The following AIG1 variants were observed in gnomAD, a reference collection of about 807,000 sequenced individuals.
AIG1 encodes androgen induced 1, also known as androgen-induced gene 1 protein.
In AIG1, 23 loss-of-function variants were observed where a neutral mutation model predicts 31.4. The observed-to-expected ratio is 0.73, with a 90% CI of 0.53 to 1.04. The LOEUF (loss-of-function observed/expected upper bound fraction) is 1.04, where lower values mean the gene tolerates loss of function less well. Ranked by LOEUF, AIG1 falls within the 50% of genes least tolerant of loss-of-function variation. AIG1 has a pLI of 0.00. For missense variants in AIG1, 274 were observed against 295.0 expected (o/e 0.93, Z 0.52); for synonymous variants, 100 against 110.5 (o/e 0.90, Z 0.60).
At chr6:143,120,873 G>A (rs528891528) in intron 1 of AIG1, among the ~76,000 whole-genome samples, 5 of 152,324 alleles carry the variant, frequency 3.3e-5, no homozygotes, top group African/African-American at 1.2e-4. Flanking sequence ...TGCCCATGCT[G>A]GAAGGTTGTG....
chr6:143,281,168 C>T (rs1313644037), intron 3 of AIG1, among the ~76,000 whole-genome samples: 2 of 152,150 alleles, frequency 1.3e-5, no homozygotes, highest in Non-Finnish European at 2.9e-5. Flanking sequence ...TGGAGGCATA[C>T]AGAACTAGTT....
At chr6:143,195,639 G>A (rs1790163105) in intron 3 of AIG1, among the ~76,000 whole-genome samples, 2 of 152,144 alleles carry the variant, frequency 1.3e-5, no homozygotes, top group African/African-American at 4.8e-5. Context: ...GAGCACGGGG[G>A]AGGACACAAC....
intron 3 of AIG1, among the ~76,000 whole-genome samples, chr6:143,172,866 G>A (rs559873657): frequency 8.9e-4 from 135 of 152,212 alleles, no homozygotes; most frequent in African/African-American, 3.0e-3. Context: ...GGTGTTCACC[G>A]TAGCCTTGAA....
rs1188898876 is a variant in AIG1, at chr6:143,069,879, T to C, written c.141+8813T>C. ...AAGTTTTAGGTTTTACATTTTTATC[T>C]ATAATCCTTTTTTTCTGGTATATGT... is the stretch of plus-strand genomic sequence containing the variant. On this transcript the variant is annotated intron_variant, in intron 1 of 5. Coordinates refer to ENST00000357847, the MANE Select transcript of AIG1 (RefSeq NM_016108.4). Among the ~76,000 whole-genome samples the C allele has an allele frequency of 2.0e-5, 3 of 152,236 alleles. No homozygotes were observed. The East Asian group carries it at 5.8e-4, about 29-fold the overall frequency.
chr6:143,189,353 A>T, intron 3 of AIG1: 1 of 951,284 alleles, frequency 1.1e-6, no homozygotes, highest in Non-Finnish European at 1.3e-6. Flanking sequence ...AAGTCCTAGG[A>T]TTACATGCAT....
chr6:143,114,029 C>T (rs1161604040), intron 1 of AIG1, among the ~76,000 whole-genome samples: 1 of 152,144 alleles, frequency 6.6e-6, no homozygotes, highest in Non-Finnish European at 1.5e-5. Flanking sequence ...CTGCCTCGAC[C>T]TCCCAAAGTG....
intron 2 of AIG1, among the ~76,000 whole-genome samples, chr6:143,154,499 ACT>A (rs978427926): frequency 6.6e-6 from 1 of 151,962 alleles, no homozygotes; most frequent in Admixed American, 6.6e-5. Context: ...ATAGAGTGAG[ACT>A]CTGTGTAAAA....
intron 5 of AIG1, among the ~76,000 whole-genome samples, chr6:143,336,931 A>T (rs988263422): frequency 6.6e-6 from 1 of 152,230 alleles, no homozygotes; most frequent in Non-Finnish European, 1.5e-5. Context: ...GGGGAAAAAA[A>T]AAGAAAGAAT....
intron 3 of AIG1, among the ~76,000 whole-genome samples, chr6:143,173,278 G>A (rs943444333): frequency 6.6e-6 from 1 of 152,184 alleles, no homozygotes; most frequent in Non-Finnish European, 1.5e-5. Flanking sequence ...GGCCAGACTG[G>A]TCTTGAACTC....
chr6:143,172,849 G>A (rs1375712439), intron 3 of AIG1, among the ~76,000 whole-genome samples: 1 of 152,062 alleles, frequency 6.6e-6, no homozygotes, highest in African/African-American at 2.4e-5. Flanking sequence ...TAGTTTATGT[G>A]CATAAAGGTG....
In AIG1 at chr6:143,187,749, C is replaced by T. The variant is rs1198306101; in HGVS notation, c.399+22566C>T. Reference sequence around the variant, plus strand: ...ACTAAAGGATTGACCTGGTGCCATGCATGCTGCTCTGCACAAGAAGGACAT... The same window carrying T: ...ACTAAAGGATTGACCTGGTGCCATGTATGCTGCTCTGCACAAGAAGGACAT... On this transcript the variant is annotated intron_variant, in intron 3 of 5. Transcript: ENST00000357847. The T allele has an allele frequency of 3.3e-6, 5 of 1,533,862 alleles. No homozygotes were observed. The Admixed American group carries it at 7.9e-5, about 24-fold the overall frequency.
chr6:143,129,379 A>G (rs1260151203), intron 1 of AIG1, among the ~76,000 whole-genome samples: 1 of 152,222 alleles, frequency 6.6e-6, no homozygotes, highest in Non-Finnish European at 1.5e-5. Context: ...TCTTTGGGGA[A>G]GTCTTCTTAG....
rs754147578 is a variant in AIG1 at position 143,292,462 on chromosome 6, G to A, written c.515+8237G>A. On this transcript the variant is annotated intron_variant, in intron 4 of 5. Transcript: ENST00000357847. The surrounding 1 kb of genome is among the most constrained non-coding windows in gnomAD (Gnocchi z 4.9). Reference sequence around the variant, plus strand: ...TGCCGTCACTGGCTTTGAAGACAGAGGAAGGGGCTGTGAGCACGGAACAAG... The same window carrying A: ...TGCCGTCACTGGCTTTGAAGACAGAAGAAGGGGCTGTGAGCACGGAACAAG... Among the ~76,000 whole-genome samples, 1 of 152,170 alleles carries A rather than the reference G, an allele frequency of 6.6e-6. No homozygotes were observed. The highest frequency in any genetic ancestry group is 1.5e-5 in the Non-Finnish European group (1 of 68,040).
At chr6:143,240,546 G>A (rs888275735) in intron 3 of AIG1, among the ~76,000 whole-genome samples, 2 of 152,148 alleles carry the variant, frequency 1.3e-5, no homozygotes, top group East Asian at 1.9e-4. Context: ...ATCATAGACC[G>A]AGCACATCAT....
chr6:143,162,362 T>A (rs1786464398), intron 2 of AIG1, among the ~76,000 whole-genome samples: 1 of 152,222 alleles, frequency 6.6e-6, no homozygotes, highest in Non-Finnish European at 1.5e-5. Context: ...ACCATGAGAA[T>A]TCTAGCAGGA....
chr6:143,109,982 T>C (rs1781131969), intron 1 of AIG1, among the ~76,000 whole-genome samples: 1 of 152,236 alleles, frequency 6.6e-6, no homozygotes, highest in Non-Finnish European at 1.5e-5. Flanking sequence ...TCCTCTGCTA[T>C]CTTCTAGAAG....
intron 3 of AIG1, among the ~76,000 whole-genome samples, chr6:143,177,452 A>G (rs1437002919): frequency 1.3e-5 from 2 of 152,160 alleles, no homozygotes; most frequent in Non-Finnish European, 2.9e-5. Flanking sequence ...TTTCATAGGG[A>G]AAAATGTTTT....
chr6:143,284,200 A>G lies in AIG1; in HGVS notation c.490A>G (p.Thr164Ala), dbSNP rs114392595. 4 of 1,613,272 alleles carry G rather than the reference A, an allele frequency of 2.5e-6. No individual in the cohort carries two copies. The highest frequency in any genetic ancestry group is 3.4e-6 in the Non-Finnish European group (4 of 1,179,374). The change falls in exon 4 of 6, where the codon ACC becomes GCC. Residue 164 changes from threonine to alanine, a missense_variant. Physicochemically the swap from Thr to Ala is moderately conservative, Grantham distance 58. This residue lies in a region of AIG1 where 243 missense variants were observed against 238.5 expected (regional missense o/e 1.02). Coordinates refer to ENST00000357847, the MANE Select transcript of AIG1 (RefSeq NM_016108.4). This position sits in a 1 kb window ranked among gnomAD's most constrained non-coding sequence, Gnocchi z 4.4. ...GAGCAGCGGACTTACCGCCATATGT[A>G]CCTTCTCTGTTGGCTATATATTATG... The part of the protein sequence containing the change: ...SRSSGLTAIC[T>A]FSVGYILWVC...
In AIG1 at chr6:143,284,124, G is replaced by A. The variant is rs11556576; in HGVS notation, c.414G>A (p.Leu138=). ...TTATTTTCCAGCACACGACGGTTCT[G>A]CCCTTTATATTAATCGAGATGAGGA... ...WLNHGMHTTV[L]PFILIEMRTS... Residue 138 remains leucine, a synonymous_variant, in exon 4 of 6, where the codon CTG becomes CTA. Transcript: ENST00000357847. The surrounding 1 kb of genome is among the most constrained non-coding windows in gnomAD (Gnocchi z 4.4). 3,642 of 1,613,642 alleles carry A rather than the reference G, an allele frequency of 2.3e-3. 70 individuals carry two copies. The African/African-American group carries it at 0.04, about 18-fold the overall frequency.
Sources: gnomAD v4.1 joint callset for allele counts (sites outside exome capture counted in the v4.1 genomes callset) on GRCh38, gnomAD v4.1.1 for gene constraint, gnomAD v4.1.1 regional missense constraint, Gnocchi (gnomAD v3.1) non-coding constraint, MANE v1.5 for transcripts, NCBI Gene and HGNC (gene_info 2026-07-23, HGNC 2026-07-21) for gene names.